The following MTR variants were observed in gnomAD, a reference collection of about 807,000 sequenced individuals.
MTR encodes the protein methionine synthase.
In MTR, 84 loss-of-function variants were observed where a neutral mutation model predicts 154.8. The ratio of observed to expected loss-of-function variants is 0.54; its 90% CI spans 0.45 to 0.65. The LOEUF (loss-of-function observed/expected upper bound fraction) is 0.65. MTR is among the 30% of genes least tolerant of loss of function. The probability of loss-of-function intolerance (pLI) is 0.00; values close to 1 mark genes in which losing one functional copy is unlikely to be tolerated. For missense variants in MTR, 1,275 were observed against 1,570.2 expected (o/e 0.81, Z 3.18); for synonymous variants, 554 against 553.9 (o/e 1.00, Z 0.00).
intron 22 of MTR, 143 bp from the exon 23 acceptor site, chr1:236,873,630 A>G: frequency 1.4e-6 from 1 of 719,790 alleles, no homozygotes; most frequent in Non-Finnish European, 2.5e-6. Flanking sequence ...TTGTGGTGGT[A>G]ATCCTCAATA....
chr1:236,867,640 T>C lies in MTR; in HGVS notation c.2405+4086T>C, dbSNP rs147866928. ...ACCTTCTGTAAAGGATTCACCATTC[T>C]AGATGCCATTAAGAACATTTGTAAT... On this transcript the variant is annotated intron_variant, in intron 22 of 32. Transcript: ENST00000366577. 9.0e-3 allele frequency among the ~76,000 whole-genome samples: 1,378 copies of C among 152,278 alleles called. 8 individuals are homozygous for C. Among genetic ancestry groups the C allele is most frequent in the Middle Eastern group, 0.02 (6 of 294 alleles).
At chr1:236,810,263 A>T (rs1454997324) in intron 4 of MTR, among the ~76,000 whole-genome samples, 1 of 152,218 alleles carries the variant, frequency 6.6e-6, no homozygotes, top group Non-Finnish European at 1.5e-5. Flanking sequence ...ATGTAAGCAG[A>T]ATCTATGAAT....
At chr1:236,853,804 T>TA (rs1413104745) in intron 18 of MTR, among the ~76,000 whole-genome samples, 1 of 152,192 alleles carries the variant, frequency 6.6e-6, no homozygotes, top group Non-Finnish European at 1.5e-5. Context: ...ATTTGATGTG[T>TA]AAAAAATGAG....
intron 30 of MTR, chr1:236,894,799 C>T (rs1238702242): frequency 3.6e-6 from 2 of 557,380 alleles, no homozygotes; most frequent in Non-Finnish European, 6.4e-6. Flanking sequence ...GGCTGTTGCT[C>T]TTAGAGCCTT....
intron 5 of MTR, 115 bp from the exon 6 acceptor site, chr1:236,812,623 C>G: frequency 1.2e-6 from 1 of 825,542 alleles, no homozygotes; most frequent in East Asian, 2.5e-5. Flanking sequence ...TGTTCTTAAA[C>G]TATGCATTGT....
Position 236,795,518 on chromosome 1 carries a change from T to C in MTR, c.-186T>C, listed in dbSNP as rs1463975527. On this transcript the variant is annotated 5_prime_UTR_variant, in exon 1 of 33. Coordinates refer to ENST00000366577, the MANE Select transcript of MTR (RefSeq NM_000254.3). The stretch of plus-strand genomic sequence containing the variant: ...CCGCGCCCAGCCCCGAGAGAGGCCC[T>C]AGGGCGCTGCGGGCTTTCGGGGTCC... The C allele has an allele frequency of 4.6e-6, 7 of 1,526,700 alleles. No homozygotes were observed. The highest frequency in any genetic ancestry group is 6.1e-6 in the Non-Finnish European group (7 of 1,140,610). The allele number at this position is 1,526,700 out of a possible 1,614,324, so 94.6% of individuals were successfully genotyped here. A position where few individuals can be genotyped will look rare whatever the true frequency, so the allele number is the denominator to read the frequency against.
chr1:236,882,637 C>T (rs1665809228), intron 25 of MTR, among the ~76,000 whole-genome samples: 1 of 152,172 alleles, frequency 6.6e-6, no homozygotes, highest in African/African-American at 2.4e-5. Context: ...AAGTGATCCA[C>T]CCGCCTCGGC....
chr1:236,869,785 C>T lies in MTR; in HGVS notation c.2406-3988C>T, dbSNP rs147295740. Among the ~76,000 whole-genome samples the T allele has an allele frequency of 5.0e-4, 76 of 152,190 alleles. No homozygotes were observed. In the East Asian group the frequency reaches 7.0e-3, roughly 14 times the overall value. On this transcript the variant is annotated intron_variant, in intron 22 of 32. Coordinates refer to ENST00000366577, the MANE Select transcript of MTR (RefSeq NM_000254.3). ...TGGATCTGACCTGTGCCCTCTTCTC[C>T]GACTTCACATACCCTGGGATTCCTA...
At chr1:236,874,035 T>C (rs1665291733) in intron 23 of MTR, among the ~76,000 whole-genome samples, 195 bp downstream of exon 23, 1 of 152,168 alleles carries the variant, frequency 6.6e-6, no homozygotes, top group South Asian at 2.1e-4. Flanking sequence ...TGAGTAACTA[T>C]GGAACCGAGT....
At chr1:236,874,310 C>T (rs1017005053) in intron 23 of MTR, among the ~76,000 whole-genome samples, 1 of 152,124 alleles carries the variant, frequency 6.6e-6, no homozygotes, top group African/African-American at 2.4e-5. Context: ...CGCAGTGGCT[C>T]ACACCTGTAA....
intron 4 of MTR, 114 bp downstream of exon 4, chr1:236,808,887 C>A: frequency 1.2e-6 from 1 of 845,050 alleles, no homozygotes; most frequent in Non-Finnish European, 2.0e-6. Flanking sequence ...ACGAGTAACA[C>A]TGCAGAGACT....
At chr1:236,856,814 G>C (rs999992528) in intron 18 of MTR, among the ~76,000 whole-genome samples, 2 of 152,136 alleles carry the variant, frequency 1.3e-5, no homozygotes, top group African/African-American at 4.8e-5. Context: ...AGTTTGTTGA[G>C]TGTGATGGTT....
At chr1:236,838,005 A>G (rs1469609958) in intron 14 of MTR, among the ~76,000 whole-genome samples, 2 of 152,134 alleles carry the variant, frequency 1.3e-5, no homozygotes, top group Non-Finnish European at 2.9e-5. Flanking sequence ...TTGAATTTGA[A>G]TAACTTGGCT....
rs12078297 is a variant in MTR, at chr1:236,861,104, T to C, written c.2044-21T>C. 0.013 allele frequency: 19,350 copies of C among 1,501,700 alleles called. 1,359 individuals carry two copies. In the East Asian group the frequency reaches 0.18, roughly 14 times the overall value. The allele number at this position is 1,501,700 out of a possible 1,614,324, so 93.0% of individuals were successfully genotyped here. The stretch of plus-strand genomic sequence containing the variant: ...TTTTCTTTCTTTCTTTTTCTTTTTT[T>C]TTTTTTTTTGTCTTTTTTAGGGCAT... On this transcript the variant is annotated intron_variant, in intron 19 of 32. Transcript: ENST00000366577.
chr1:236,816,634 A>G (rs975539398), intron 8 of MTR, 91 bp downstream of exon 8: 15 of 1,004,354 alleles, frequency 1.5e-5, no homozygotes, highest in South Asian at 9.0e-5. Flanking sequence ...GATTGCTTCT[A>G]CATATTTTCA....
At position 236,894,500 on chromosome 1, in the gene MTR, T is replaced by A. The variant is rs1666511466; in HGVS notation, c.3348T>A (p.Asp1116Glu). 3 of 1,614,128 alleles carry A rather than the reference T, an allele frequency of 1.9e-6. No individual in the cohort carries two copies. Among genetic ancestry groups the A allele is most frequent in the Middle Eastern group, 1.6e-4 (1 of 6,062 alleles). The change falls in exon 30 of 33, where the codon GAT becomes GAA. Residue 1116 changes from aspartate (D) to glutamate (E), a missense_variant. Transcript: ENST00000366577. ...AAGAGCTGAGCAAGGCCTATGAGGATGATGGTGACGACTACAGCAGCATCA... is the reference window on the plus strand; with the variant it reads ...AAGAGCTGAGCAAGGCCTATGAGGAAGATGGTGACGACTACAGCAGCATCA... The part of the protein sequence containing the change: ...GVEELSKAYE[D>E]DGDDYSSIMV...
intron 3 of MTR, 151 bp downstream of exon 3, chr1:236,806,384 C>G: frequency 1.4e-6 from 1 of 731,354 alleles, no homozygotes; most frequent in East Asian, 2.7e-5. Context: ...GGTGTGAATC[C>G]TTCCAGCTTG....
chr1:236,802,445 G>T (rs761451102), intron 1 of MTR, among the ~76,000 whole-genome samples: 47 of 152,088 alleles, frequency 3.1e-4, no homozygotes, highest in Non-Finnish European at 6.6e-4. Flanking sequence ...AGAAATCGGT[G>T]GTTGCTGAGG....
intron 1 of MTR, chr1:236,800,280 A>G: frequency 1.0e-6 from 1 of 985,386 alleles, no homozygotes; most frequent in Non-Finnish European, 1.2e-6. Flanking sequence ...TGTGGAAAAG[A>G]TTGCCTTTTT....
Sources: gnomAD v4.1 joint callset for allele counts (sites outside exome capture counted in the v4.1 genomes callset) on GRCh38, gnomAD v4.1.1 for gene constraint, MANE v1.5 for transcripts, NCBI Gene and HGNC (gene_info 2026-07-23, HGNC 2026-07-21) for gene names.